SON: variants seen among roughly 807,000 people sequenced by gnomAD.
The protein encoded by SON is protein SON.
Under a neutral mutation model 173.3 loss-of-function variants are expected in SON, and 4 were observed. That is an observed-to-expected ratio of 0.02 (90% CI 0.01 to 0.05). SON has a LOEUF of 0.05. SON is among the 10% of genes least tolerant of loss of function. The pLI, the probability that SON is intolerant of heterozygous loss-of-function variation, is 1.00. For synonymous variants in SON, 1,190 were observed against 1,105.9 expected (o/e 1.08, Z -1.51); for missense variants, 2,626 against 3,055.3 (o/e 0.86, Z 3.31).
intron 2 of SON, 152 bp from the exon 3 acceptor site, chr21:33,549,324 T>A (rs1280019383): frequency 3.6e-6 from 2 of 553,444 alleles, no homozygotes; most frequent in Non-Finnish European, 5.9e-6. Flanking sequence ...CCACCTGCCT[T>A]GGCCTCTCAG....
chr21:33,552,180 A>G lies in SON; in HGVS notation c.2949A>G (p.Pro983=), dbSNP rs1227389730. 6.2e-7 allele frequency: 1 copy of G among 1,614,094 alleles called. No individual in the cohort carries two copies. The highest frequency in any genetic ancestry group is 8.5e-7 in the Non-Finnish European group (1 of 1,179,968). Residue 983 remains proline, a synonymous_variant, in exon 3 of 12, where the codon CCA becomes CCG. Transcript: ENST00000356577. The surrounding 1 kb of genome is among the most constrained non-coding windows in gnomAD (Gnocchi z 5.6). Reference sequence around the variant, plus strand: ...GGTCCTATAGAATAGCACCCAGGCCATATAGGTTAGCACCTAGACCCCTGA... The same window carrying G: ...GGTCCTATAGAATAGCACCCAGGCCGTATAGGTTAGCACCTAGACCCCTGA... ...APRSYRIAPR[P]YRLAPRPLML...
chr21:33,575,344 CTT>C, intron 9 of SON: 1 of 324,802 alleles, frequency 3.1e-6, no homozygotes. Flanking sequence ...CCATACTTAA[CTT>C]TTTGTTTTCT....
At chr21:33,556,575 G>A (rs1295211111) in intron 3 of SON, among the ~76,000 whole-genome samples, 2 of 152,056 alleles carry the variant, frequency 1.3e-5, no homozygotes, top group Admixed American at 1.3e-4. Flanking sequence ...TTAGATGGGT[G>A]TGGTGGCACG....
chr21:33,554,171 CTAG>C lies in SON; in HGVS notation c.4942_4944del (p.Ser1648del). The C allele has an allele frequency of 6.2e-7, 1 of 1,613,948 alleles. No homozygotes were observed. Among genetic ancestry groups the C allele is most frequent in the African/African-American group, 1.3e-5 (1 of 75,024 alleles). ...CATGACATGGTAATTTCCACCAGTC[CTAG>C]TGGTGGTAGTGAAGCTGACATTGAA... On this transcript the variant is annotated inframe_deletion, in exon 3 of 12. Transcript: ENST00000356577.
intron 6 of SON, among the ~76,000 whole-genome samples, chr21:33,561,272 G>C (rs1438157140): frequency 1.3e-5 from 2 of 152,134 alleles, no homozygotes; most frequent in Non-Finnish European, 2.9e-5. Context: ...CCCCCAATCA[G>C]GCTACCTGCA....
Position 33,553,609 on chromosome 21 carries a change from G to C in SON, c.4378G>C (p.Val1460Leu). The C allele has an allele frequency of 2.5e-6, 4 of 1,613,964 alleles. No individual in the cohort carries two copies. Among genetic ancestry groups the C allele is most frequent in the Non-Finnish European group, 3.4e-6 (4 of 1,179,928 alleles). Residue 1460 changes from valine (V) to leucine (L), a missense_variant, in exon 3 of 12, where the codon GTA (valine) becomes CTA (leucine). By Grantham distance (32) the Val-to-Leu change is conservative. This residue lies in a region of SON where 1,006 missense variants were observed against 895.6 expected (regional missense o/e 1.12). Transcript: ENST00000356577. ...TGTCACAGTCTCAGAGCAGACTCAA[G>C]TAATACCAACTGAGGTGGCTATAGA... ...PAVTVSEQTQ[V>L]IPTEVAIEST...
intron 2 of SON, among the ~76,000 whole-genome samples, chr21:33,548,056 A>T (rs2085664778): frequency 6.6e-6 from 1 of 151,804 alleles, no homozygotes; most frequent in South Asian, 2.1e-4. Flanking sequence ...CAGATTTCTG[A>T]TGAGCTTTTT....
Position 33,554,050 on chromosome 21 carries a change from G to A in SON, c.4819G>A (p.Gly1607Arg). ...GPFALEPDAT[G>R]TSKGIEFTTA... Reference sequence around the variant, plus strand: ...TTTTGCTCTGGAACCTGATGCAACAGGAACTAGTAAGGGTATTGAATTTAC... The same window carrying A: ...TTTTGCTCTGGAACCTGATGCAACAAGAACTAGTAAGGGTATTGAATTTAC... The change falls in exon 3 of 12, where the codon GGA (glycine) becomes AGA (arginine). Residue 1607 changes from glycine (G) to arginine (R), a missense_variant. This residue lies in a region of SON where 1,006 missense variants were observed against 895.6 expected (regional missense o/e 1.12). Coordinates refer to ENST00000356577, the MANE Select transcript of SON (RefSeq NM_138927.4). The A allele has an allele frequency of 1.9e-6, 3 of 1,614,060 alleles. No homozygotes were observed. Among genetic ancestry groups the A allele is most frequent in the Non-Finnish European group, 2.5e-6 (3 of 1,180,008 alleles).
intron 7 of SON, among the ~76,000 whole-genome samples, chr21:33,568,585 T>C (rs1224871213): frequency 6.6e-6 from 1 of 152,220 alleles, no homozygotes; most frequent in African/African-American, 2.4e-5. Flanking sequence ...TCTGTATAAA[T>C]GTCTCAAAGG....
At chr21:33,561,388 C>T (rs2086068186) in intron 6 of SON, among the ~76,000 whole-genome samples, 3 of 152,052 alleles carry the variant, frequency 2.0e-5, no homozygotes, top group Admixed American at 6.5e-5. Flanking sequence ...ACTTAGAAAT[C>T]CTAATATGTA....
intron 3 of SON, 52 bp downstream of exon 3, chr21:33,555,443 T>C (rs1402482632): frequency 7.0e-7 from 1 of 1,423,060 alleles, no homozygotes; most frequent in Non-Finnish European, 9.3e-7. Flanking sequence ...TTTTAAACCT[T>C]AATTTTTTTC....
rs768875074 is a variant in SON at position 33,555,267 on chromosome 21, C to G, written c.6036C>G (p.Ile2012Met). The G allele has an allele frequency of 2.5e-6, 4 of 1,612,702 alleles. No individual in the cohort carries two copies. The South Asian group carries it at 3.3e-5, about 13-fold the overall frequency. Residue 2012 changes from isoleucine to methionine, a missense_variant, in exon 3 of 12, where the codon ATC (isoleucine) becomes ATG (methionine). Around this residue, in one of 13 missense-constraint regions of SON, gnomAD observed 138 missense variants for 222.9 expected, o/e 0.62. Coordinates refer to ENST00000356577, the MANE Select transcript of SON (RefSeq NM_138927.4). The part of the protein sequence containing the change: ...RSVVRRRSFS[I>M]SPVRLRRSRT... ...TGGTAAGAAGACGAAGCTTCAGTAT[C>G]TCACCAGTCAGATTAAGGCGATCAA...
intron 3 of SON, among the ~76,000 whole-genome samples, chr21:33,556,817 T>G (rs1321817247): frequency 6.6e-6 from 1 of 151,774 alleles, no homozygotes; most frequent in African/African-American, 2.4e-5. Context: ...TGAAATAGGC[T>G]TTGGCAGGTT....
chr21:33,576,125 A>G (rs1236800495), intron 11 of SON, among the ~76,000 whole-genome samples: 2 of 152,148 alleles, frequency 1.3e-5, no homozygotes, highest in Non-Finnish European at 1.5e-5. Context: ...GTTATTTTCT[A>G]GTTGAATGTG....
At chr21:33,544,171 C>G (rs1006324688) in intron 1 of SON, among the ~76,000 whole-genome samples, 6 of 152,114 alleles carry the variant, frequency 3.9e-5, no homozygotes, top group Non-Finnish European at 8.8e-5. Flanking sequence ...TGAAAATGGG[C>G]CGAAAACCAG....
intron 9 of SON, among the ~76,000 whole-genome samples, chr21:33,574,053 G>A (rs2086346256): frequency 6.6e-6 from 1 of 152,148 alleles, no homozygotes; most frequent in African/African-American, 2.4e-5. Context: ...AGATACCTGG[G>A]CAGGGCAGCA....
rs750182544 is a variant in SON at position 33,551,754 on chromosome 21, G to A, written c.2523G>A (p.Met841Ile). 2.5e-6 allele frequency: 4 copies of A among 1,612,846 alleles called. No homozygotes were observed. The stretch of plus-strand genomic sequence containing the variant: ...CCCAGATGTTAGCAACCAGCACCAT[G>A]GATTCTCAGATGTTAGCAACCAGCA... ...MDSQMLATST[M>I]DSQMLATSTM... The change falls in exon 3 of 12, where the codon ATG (methionine) becomes ATA (isoleucine). Residue 841 changes from methionine to isoleucine, a missense_variant. Coordinates refer to ENST00000356577, the MANE Select transcript of SON (RefSeq NM_138927.4).
Position 33,550,304 on chromosome 21 carries a change from C to G in SON, c.1073C>G (p.Pro358Arg). The change falls in exon 3 of 12, where the codon CCG becomes CGG. Residue 358 changes from proline to arginine, a missense_variant. Coordinates refer to ENST00000356577, the MANE Select transcript of SON (RefSeq NM_138927.4). ...ATTGCAGATTCATCCATGACAAGAC[C>G]GCAGGAGTTGCCGGAGCTGCCTAAG... ...SEIADSSMTR[P>R]QELPELPKTT... is the part of the protein sequence containing the mutation. 1 of 1,614,176 alleles carries G rather than the reference C, an allele frequency of 6.2e-7. No homozygotes were observed. The highest frequency in any genetic ancestry group is 8.5e-7 in the Non-Finnish European group (1 of 1,180,030).
At position 33,549,906 on chromosome 21, in the gene SON, G is replaced by T; in HGVS notation, c.675G>T (p.Gln225His). 6.2e-7 allele frequency: 1 copy of T among 1,614,108 alleles called. No individual in the cohort carries two copies. The highest frequency in any genetic ancestry group is 8.5e-7 in the Non-Finnish European group (1 of 1,179,956). Reference sequence around the variant, plus strand: ...TATCTACATCAGTAATCTCAGAGCAGTCAGAGCAGTCTGTGGCAGTAATGC... The same window carrying T: ...TATCTACATCAGTAATCTCAGAGCATTCAGAGCAGTCTGTGGCAGTAATGC... ...SVVSTSVISEQSEQSVAVMPE... is the reference protein window; with the variant it reads ...SVVSTSVISEHSEQSVAVMPE... The change falls in exon 3 of 12, where the codon CAG becomes CAT. Residue 225 changes from glutamine (Q) to histidine (H), a missense_variant. By Grantham distance (24) the Gln-to-His change is conservative (BLOSUM62 0). Around this residue, in one of 13 missense-constraint regions of SON, gnomAD observed 757 missense variants for 730.1 expected, o/e 1.04. Transcript: ENST00000356577.
Sources: gnomAD v4.1 joint callset for allele counts (sites outside exome capture counted in the v4.1 genomes callset) on GRCh38, gnomAD v4.1.1 for gene constraint, gnomAD v4.1.1 regional missense constraint, Gnocchi (gnomAD v3.1) non-coding constraint, MANE v1.5 for transcripts, NCBI Gene and HGNC (gene_info 2026-07-23, HGNC 2026-07-21) for gene names.